The following TTC34 variants were observed in gnomAD, a reference collection of about 807,000 sequenced individuals.
The protein encoded by TTC34 is tetratricopeptide repeat domain 34, also known as tetratricopeptide repeat protein 34.
In TTC34, 44 loss-of-function variants were observed where a neutral mutation model predicts 40.7. The ratio of observed to expected loss-of-function variants is 1.08; its 90% CI spans 0.85 to 1.39. The LOEUF (loss-of-function observed/expected upper bound fraction) is 1.39. Among genes scored for constraint, TTC34 ranks in the 40% most tolerant of loss-of-function variants. TTC34 has a pLI of 0.00. For missense variants in TTC34, 884 were observed against 838.0 expected (o/e 1.05, Z -0.68); for synonymous variants, 422 against 398.6 (o/e 1.06, Z -0.70).
intron 6 of TTC34, among the ~76,000 whole-genome samples, chr1:2,687,297 A>G (rs1322952218): frequency 8.3e-6 from 1 of 121,130 alleles, no homozygotes; most frequent in East Asian, 2.8e-4. Flanking sequence ...ACAGGTGAGC[A>G]TCTGACATCG....
intron 6 of TTC34, among the ~76,000 whole-genome samples, chr1:2,687,893 G>A (rs1275066567): frequency 5.3e-5 from 8 of 152,166 alleles, no homozygotes; most frequent in Non-Finnish European, 2.9e-5. Context: ...ACATCCCCAG[G>A]TGAGCATCTG....
intron 6 of TTC34, among the ~76,000 whole-genome samples, chr1:2,777,414 C>T (rs879317421): frequency 2.0e-5 from 3 of 149,342 alleles, no homozygotes; most frequent in Non-Finnish European, 4.5e-5. Flanking sequence ...CAGCACTCCA[C>T]ACCTCCAGGG....
At chr1:2,749,512 CA>C (rs1641248433) in intron 6 of TTC34, among the ~76,000 whole-genome samples, 1 of 61,624 alleles carries the variant, frequency 1.6e-5, no homozygotes, top group Admixed American at 1.6e-4. Context: ...CAGCCTGGAG[CA>C]GCACCCAGAT....
chr1:2,754,740 C>G (rs1641446823), intron 6 of TTC34, among the ~76,000 whole-genome samples: 10 of 149,598 alleles, frequency 6.7e-5, no homozygotes, highest in African/African-American at 1.8e-4. Context: ...CACCCACACC[C>G]CCAGGTGCGC....
At chr1:2,768,675 C>G (rs1439022822) in intron 6 of TTC34, among the ~76,000 whole-genome samples, 1 of 150,784 alleles carries the variant, frequency 6.6e-6, no homozygotes. Context: ...AGGTAAGATT[C>G]CAACAGCATG....
intron 6 of TTC34, among the ~76,000 whole-genome samples, chr1:2,683,235 A>AGGTG (rs1362041992): frequency 1.4e-5 from 2 of 148,134 alleles, no homozygotes; most frequent in Non-Finnish European, 3.0e-5. Flanking sequence ...CCACACCCCC[A>AGGTG]AGTGAGCATC....
chr1:2,759,495 G>C (rs1641620870), intron 6 of TTC34, among the ~76,000 whole-genome samples: 3 of 99,820 alleles, frequency 3.0e-5, no homozygotes, highest in African/African-American at 3.9e-5. Context: ...GTGAGCATCG[G>C]GCAGCCTGGA....
At chr1:2,699,058 TGAGCATCGGAGAG>T (rs1641004290) in intron 6 of TTC34, among the ~76,000 whole-genome samples, 1 of 132,484 alleles carries the variant, frequency 7.5e-6, no homozygotes. Context: ...CAACCACAGG[TGAGCATCGGAGAG>T]TCCGGAGCAG....
At chr1:2,768,494 C>T (rs1358529834) in intron 6 of TTC34, among the ~76,000 whole-genome samples, 5 of 150,996 alleles carry the variant, frequency 3.3e-5, no homozygotes, top group Non-Finnish European at 7.4e-5. Context: ...GGAAAAGCTC[C>T]CCGCCCTCAG....
intron 3 of TTC34, among the ~76,000 whole-genome samples, chr1:2,788,426 G>C (rs564323070): frequency 6.6e-6 from 1 of 151,716 alleles, no homozygotes; most frequent in African/African-American, 2.4e-5. Context: ...TGTGTTGTGC[G>C]TGTGTGTGTT....
intron 6 of TTC34, among the ~76,000 whole-genome samples, chr1:2,760,181 CG>C (rs1641650270): frequency 1.1e-5 from 1 of 89,612 alleles, no homozygotes; most frequent in Non-Finnish European, 2.2e-5. Flanking sequence ...AGCATCTGAC[CG>C]CCCGGAGCAG....
At chr1:2,687,445 A>T (rs1247199418) in intron 6 of TTC34, among the ~76,000 whole-genome samples, 1 of 43,514 alleles carries the variant, frequency 2.3e-5, no homozygotes, top group Non-Finnish European at 4.5e-5. Context: ...AGCACCCACA[A>T]CCACAGGTGA....
At chr1:2,778,173 C>A (rs939404741) in intron 6 of TTC34, among the ~76,000 whole-genome samples, 1 of 152,244 alleles carries the variant, frequency 6.6e-6, no homozygotes, top group Non-Finnish European at 1.5e-5. Context: ...GGCTGTCGTC[C>A]TCCTGGCCTC....
intron 6 of TTC34, among the ~76,000 whole-genome samples, chr1:2,685,872 C>A (rs1399843016): frequency 6.7e-6 from 1 of 150,092 alleles, no homozygotes; most frequent in Non-Finnish European, 1.5e-5. Flanking sequence ...TGGAACAGCA[C>A]CCTGCACCCC....
chr1:2,686,741 C>A (rs1435558319), intron 6 of TTC34, among the ~76,000 whole-genome samples: 2 of 136,668 alleles, frequency 1.5e-5, no homozygotes, highest in African/African-American at 2.9e-5. Context: ...GAGCATCTGA[C>A]AGCCTGGAAC....
At chr1:2,780,173 T>C (rs917422643) in intron 6 of TTC34, among the ~76,000 whole-genome samples, 1 of 152,214 alleles carries the variant, frequency 6.6e-6, no homozygotes, top group Non-Finnish European at 1.5e-5. Flanking sequence ...TCTCTGTGTA[T>C]TCTGGGTAAT....
chr1:2,675,146 T>TGG (rs1639855775), intron 6 of TTC34, among the ~76,000 whole-genome samples: 16 of 2,954 alleles, frequency 5.4e-3, no homozygotes, highest in South Asian at 9.1e-3. Context: ...TGACAGCCCG[T>TGG]AGCAGCACCC....
chr1:2,674,946 G>A (rs1420562529), intron 6 of TTC34, among the ~76,000 whole-genome samples: 6 of 127,604 alleles, frequency 4.7e-5, no homozygotes, highest in Admixed American at 8.1e-5. Context: ...TGACAACAGG[G>A]AGCAGCACCC....
At position 2,751,159 on chromosome 1, in the gene TTC34, C is replaced by A. The variant is rs1641306097; in HGVS notation, c.2226+32450G>T. Reference sequence around the variant, plus strand: ...GGGAGCATCTGACACCCTGGAGCAGCACGCACATCCCCAGGCGAGCATCCG... The same window carrying A: ...GGGAGCATCTGACACCCTGGAGCAGAACGCACATCCCCAGGCGAGCATCCG... On this transcript the variant is annotated intron_variant, in intron 6 of 8. Transcript: ENST00000401095. 2.7e-5 allele frequency among the ~76,000 whole-genome samples: 3 copies of A among 113,150 alleles called. 1 individual carries two copies. Among genetic ancestry groups the A allele is most frequent in the East Asian group, 3.3e-4 (1 of 3,054 alleles). The allele number at this position is 113,150 out of a possible 152,430, so 74.2% of individuals were successfully genotyped here.
Sources: allele counts gnomAD v4.1 joint callset (sites outside exome capture counted in the v4.1 genomes callset), GRCh38; gene constraint gnomAD v4.1.1; transcripts MANE v1.5; gene names NCBI Gene and HGNC (gene_info 2026-07-23, HGNC 2026-07-21).